Variants in NRG3 observed in about 807,000 individuals in gnomAD.
NRG3 encodes the protein pro-neuregulin-3, membrane-bound isoform.
In NRG3, 31 loss-of-function variants were observed where a neutral mutation model predicts 66.9. The ratio of observed to expected loss-of-function variants is 0.46; its 90% CI spans 0.35 to 0.63. The LOEUF (loss-of-function observed/expected upper bound fraction) is 0.63, where lower values mean the gene tolerates loss of function less well. Among genes scored for constraint, NRG3 ranks in the 20% least tolerant of loss-of-function variants. The probability of loss-of-function intolerance (pLI) is 0.00; values close to 1 mark genes in which losing one functional copy is unlikely to be tolerated. For synonymous variants in NRG3, 393 were observed against 359.4 expected (o/e 1.09, Z -1.06); for missense variants, 910 against 878.9 (o/e 1.04, Z -0.45).
At chr10:82,383,542 A>T (rs539359239) in intron 2 of NRG3, among the ~76,000 whole-genome samples, 115 of 152,070 alleles carry the variant, frequency 7.6e-4, no homozygotes, top group African/African-American at 2.2e-3. Flanking sequence ...TAACACCATG[A>T]TTGTTTTTGC....
chr10:82,598,568 T>C (rs749067702), intron 2 of NRG3, among the ~76,000 whole-genome samples: 9 of 152,192 alleles, frequency 5.9e-5, no homozygotes, highest in Admixed American at 1.3e-4. Flanking sequence ...AAATGTAATG[T>C]CACAGAAGCC....
At chr10:82,575,807 C>T (rs1336543726) in intron 2 of NRG3, among the ~76,000 whole-genome samples, 3 of 151,676 alleles carry the variant, frequency 2.0e-5, no homozygotes, top group Non-Finnish European at 4.4e-5. Context: ...AACATAATTT[C>T]GGACAAAGTA....
intron 4 of NRG3, among the ~76,000 whole-genome samples, chr10:82,939,377 GATAAACT>G (rs1354194725): frequency 8.5e-5 from 13 of 152,168 alleles, no homozygotes; most frequent in African/African-American, 2.4e-4. Context: ...GTAGAAATAA[GATAAACT>G]ATAGAGTATC....
At chr10:82,287,573 G>A (rs1470849894) in intron 1 of NRG3, among the ~76,000 whole-genome samples, 1 of 151,988 alleles carries the variant, frequency 6.6e-6, no homozygotes, top group African/African-American at 2.4e-5. Context: ...GTGGGGTGAG[G>A]GTGGGCAGCA....
intron 2 of NRG3, among the ~76,000 whole-genome samples, chr10:82,475,753 G>C (rs908199184): frequency 1.3e-5 from 2 of 151,988 alleles, no homozygotes; most frequent in South Asian, 2.1e-4. Flanking sequence ...AGAAATACAG[G>C]GGAAAAGCTT....
intron 8 of NRG3, among the ~76,000 whole-genome samples, chr10:82,983,941 C>A (rs1012600845): frequency 1.3e-5 from 2 of 152,204 alleles, no homozygotes; most frequent in African/African-American, 2.4e-5. Flanking sequence ...CTAATTTGCT[C>A]CCATCATGTC....
intron 1 of NRG3, among the ~76,000 whole-genome samples, chr10:82,199,233 C>T (rs1589287359): frequency 6.7e-6 from 1 of 150,214 alleles, no homozygotes; most frequent in East Asian, 2.0e-4. Flanking sequence ...AGAGTATATA[C>T]TAATTATTTA....
chr10:82,492,105 CT>C (rs1843195966), intron 2 of NRG3, among the ~76,000 whole-genome samples: 1 of 152,164 alleles, frequency 6.6e-6, no homozygotes, highest in Admixed American at 6.5e-5. Context: ...TCCTTTCACT[CT>C]TTGAATCAAT....
At chr10:82,026,689 T>C (rs1286478093) in intron 1 of NRG3, among the ~76,000 whole-genome samples, 1 of 151,880 alleles carries the variant, frequency 6.6e-6, no homozygotes, top group Non-Finnish European at 1.5e-5. Context: ...GTTTGTCTGT[T>C]TGTTTGTTTG....
chr10:82,503,451 A>G (rs1844387574), intron 2 of NRG3, among the ~76,000 whole-genome samples: 1 of 152,152 alleles, frequency 6.6e-6, no homozygotes. Flanking sequence ...TCCACTTGGT[A>G]AGGCATGTAT....
intron 1 of NRG3, among the ~76,000 whole-genome samples, chr10:82,316,181 T>C (rs539716193): frequency 1.3e-5 from 2 of 152,276 alleles, no homozygotes; most frequent in South Asian, 4.1e-4. Context: ...ATTTTTACTT[T>C]GAAGAAGTTT....
intron 2 of NRG3, among the ~76,000 whole-genome samples, chr10:82,637,374 T>C (rs945587312): frequency 1.3e-5 from 2 of 152,130 alleles, no homozygotes; most frequent in African/African-American, 4.8e-5. Flanking sequence ...AGATAAATAT[T>C]TGTTGAGGAA....
chr10:81,953,226 TC>T (rs1329331753), intron 1 of NRG3, among the ~76,000 whole-genome samples: 1 of 152,162 alleles, frequency 6.6e-6, no homozygotes, highest in Non-Finnish European at 1.5e-5. Flanking sequence ...TTCTTGAAGA[TC>T]CTCCCAAACT....
intron 3 of NRG3, among the ~76,000 whole-genome samples, chr10:82,831,780 C>G (rs185980707): frequency 1.1e-4 from 17 of 152,250 alleles, no homozygotes; most frequent in Middle Eastern, 3.4e-3. Flanking sequence ...TGCCATTGCA[C>G]TCCAGCCTGG....
chr10:82,236,446 C>T (rs573556904), intron 1 of NRG3, among the ~76,000 whole-genome samples: 2 of 152,272 alleles, frequency 1.3e-5, no homozygotes, highest in East Asian at 3.9e-4. Context: ...TCCTGCTCCC[C>T]GTGATTTCAG....
At chr10:82,480,289 G>A (rs1590282260) in intron 2 of NRG3, among the ~76,000 whole-genome samples, 1 of 152,130 alleles carries the variant, frequency 6.6e-6, no homozygotes. Flanking sequence ...GGTAATGGTT[G>A]CACCACTCTG....
At chr10:82,877,449 G>A (rs1841930090) in intron 4 of NRG3, among the ~76,000 whole-genome samples, 1 of 137,184 alleles carries the variant, frequency 7.3e-6, no homozygotes, top group Non-Finnish European at 1.5e-5. Context: ...GTGCAATCTT[G>A]GCTCACTGCA....
At chr10:82,703,152 A>G (rs1482631966) in intron 2 of NRG3, among the ~76,000 whole-genome samples, 1 of 152,018 alleles carries the variant, frequency 6.6e-6, no homozygotes, top group Non-Finnish European at 1.5e-5. Flanking sequence ...GTATCATAGA[A>G]GGGAACCTAG....
chr10:82,831,963 C>A (rs1055805895), intron 3 of NRG3, among the ~76,000 whole-genome samples: 1 of 152,108 alleles, frequency 6.6e-6, no homozygotes, highest in Non-Finnish European at 1.5e-5. Flanking sequence ...TCCTTAGGAG[C>A]AGACCTCTTT....
Sources: gnomAD v4.1 joint callset for allele counts (sites outside exome capture counted in the v4.1 genomes callset) on GRCh38, gnomAD v4.1.1 for gene constraint, MANE v1.5 for transcripts, NCBI Gene and HGNC (gene_info 2026-07-23, HGNC 2026-07-21) for gene names.